NRXN1: variants seen among roughly 807,000 people sequenced by gnomAD.
The protein encoded by NRXN1 is neurexin-1.
A neutral mutation model predicts 150.9 loss-of-function variants in NRXN1; 39 were observed. The observed-to-expected ratio is 0.26, with a 90% CI of 0.20 to 0.34. The LOEUF (loss-of-function observed/expected upper bound fraction) is 0.34, where lower values mean the gene tolerates loss of function less well. NRXN1 is among the 10% of genes least tolerant of loss of function. The pLI is 1.00. For synonymous variants in NRXN1, 924 were observed against 757.0 expected (o/e 1.22, Z -3.62); for missense variants, 1,815 against 1,949.9 (o/e 0.93, Z 1.30).
intron 2 of NRXN1, among the ~76,000 whole-genome samples, chr2:50,993,197 T>C (rs755843016): frequency 6.6e-6 from 1 of 151,890 alleles, no homozygotes; most frequent in South Asian, 2.1e-4. Context: ...TGAGAGAAGG[T>C]AGTCATTCAA....
intron 18 of NRXN1, among the ~76,000 whole-genome samples, chr2:50,132,506 C>A (rs553376363): frequency 2.0e-5 from 3 of 151,932 alleles, no homozygotes; most frequent in African/African-American, 7.3e-5. Flanking sequence ...AGGGTTTCAT[C>A]GTGTTAGCCA....
intron 7 of NRXN1, chr2:50,620,902 G>C (rs1679893145): frequency 5.2e-6 from 1 of 194,170 alleles, no homozygotes; most frequent in Non-Finnish European, 8.2e-6. Context: ...ATCATGAATG[G>C]TTAGAGACTG....
At chr2:50,149,927 G>T (rs901213162) in intron 18 of NRXN1, among the ~76,000 whole-genome samples, 1 of 151,642 alleles carries the variant, frequency 6.6e-6, no homozygotes, top group South Asian at 2.1e-4. Context: ...CCTGTATGTA[G>T]CCATATGCAT....
chr2:50,183,654 G>A (rs2060882572), intron 18 of NRXN1, among the ~76,000 whole-genome samples: 1 of 149,720 alleles, frequency 6.7e-6, no homozygotes, highest in Admixed American at 6.8e-5. Flanking sequence ...AAGTGTTTCT[G>A]TTTGTCACAA....
chr2:50,250,392 A>G (rs1466758985), intron 17 of NRXN1, among the ~76,000 whole-genome samples: 3 of 152,084 alleles, frequency 2.0e-5, no homozygotes, highest in African/African-American at 7.2e-5. Flanking sequence ...TTTCAGGAGT[A>G]GGTTGTAGAT....
chr2:50,528,607 T>A lies in NRXN1; in HGVS notation c.2374+18A>T. The A allele has an allele frequency of 7.0e-7, 1 of 1,430,582 alleles. No individual in the cohort carries two copies. Among genetic ancestry groups the A allele is most frequent in the Non-Finnish European group, 9.8e-7 (1 of 1,025,304 alleles). 88.6% of individuals were successfully genotyped at this position (1,430,582 alleles called of 1,614,324 possible). ...TAATGGAGGAATAACATTTTAAAAA[T>A]TTTGAATAGGCACTTACTGGAATTA... On this transcript the variant is annotated intron_variant, in intron 12 of 22. Coordinates refer to ENST00000401669, the MANE Select transcript of NRXN1 (RefSeq NM_001330078.2).
chr2:50,118,232 T>C (rs1215364745), intron 18 of NRXN1, among the ~76,000 whole-genome samples: 1 of 152,160 alleles, frequency 6.6e-6, no homozygotes, highest in African/African-American at 2.4e-5. Flanking sequence ...TGTAAAAATA[T>C]AGAATCTGAT....
chr2:50,521,119 T>C (rs1248299483), intron 12 of NRXN1, among the ~76,000 whole-genome samples: 2 of 152,172 alleles, frequency 1.3e-5, no homozygotes, highest in Non-Finnish European at 2.9e-5. Context: ...TTTCTCCATG[T>C]ATTTGAAAAT....
At chr2:50,857,897 T>C (rs1408487048) in intron 5 of NRXN1, among the ~76,000 whole-genome samples, 1 of 152,124 alleles carries the variant, frequency 6.6e-6, no homozygotes, top group Admixed American at 6.6e-5. Context: ...TACTGGCTGG[T>C]GACAGCTTAC....
chr2:50,981,760 T>C (rs922456460), intron 2 of NRXN1, among the ~76,000 whole-genome samples: 10 of 151,904 alleles, frequency 6.6e-5, no homozygotes, highest in African/African-American at 2.4e-4. Context: ...GAGTATGGAT[T>C]TCCTCCCAGT....
intron 13 of NRXN1, among the ~76,000 whole-genome samples, chr2:50,500,919 A>G (rs1424020096): frequency 6.6e-6 from 1 of 152,160 alleles, no homozygotes; most frequent in Non-Finnish European, 1.5e-5. Flanking sequence ...TAGCCTTGGT[A>G]TTGGAGAAAT....
At chr2:51,023,097 T>C (rs1669884699) in intron 2 of NRXN1, among the ~76,000 whole-genome samples, 1 of 152,224 alleles carries the variant, frequency 6.6e-6, no homozygotes, top group Non-Finnish European at 1.5e-5. Flanking sequence ...ATTGTATTTT[T>C]CCCCTAGTTT....
At chr2:50,284,108 TGA>T (rs1176486860) in intron 17 of NRXN1, among the ~76,000 whole-genome samples, 2 of 152,200 alleles carry the variant, frequency 1.3e-5, no homozygotes, top group Non-Finnish European at 2.9e-5. Context: ...CATTCATGAT[TGA>T]GACACTGCTT....
chr2:49,928,679 T>C (rs1227066965), intron 22 of NRXN1, among the ~76,000 whole-genome samples: 1 of 152,188 alleles, frequency 6.6e-6, no homozygotes, highest in East Asian at 1.9e-4. Context: ...CAATACAGTG[T>C]AGGCCAGAAG....
At chr2:51,021,310 T>C (rs1466663318) in intron 2 of NRXN1, among the ~76,000 whole-genome samples, 1 of 151,980 alleles carries the variant, frequency 6.6e-6, no homozygotes, top group Admixed American at 6.6e-5. Context: ...TTTCAGTACA[T>C]ATTTATAGGA....
chr2:50,922,674 C>G lies in NRXN1; in HGVS notation c.804G>C (p.Leu268=), dbSNP rs1553364040. ...EDNNVEGLAH[L]MMGDQGKSKG... ...AGCCCATACCTTGGTCGCCCATCAT[C>G]AGGTGCGCCAGACCTTGAAGGGAAA... The change falls in exon 4 of 23, where the codon CTG becomes CTC. Residue 268 remains leucine (L), a synonymous_variant. Transcript: ENST00000401669. 3 of 1,610,460 alleles carry G rather than the reference C, an allele frequency of 1.9e-6. No homozygotes were observed. Among genetic ancestry groups the G allele is most frequent in the Admixed American group, 3.4e-5 (2 of 59,654 alleles).
chr2:50,858,062 G>T (rs1191155084), intron 5 of NRXN1, among the ~76,000 whole-genome samples: 3 of 151,384 alleles, frequency 2.0e-5, no homozygotes, highest in Non-Finnish European at 4.4e-5. Flanking sequence ...AGTAGCAGGG[G>T]AAAAGGCTCA....
chr2:50,791,314 C>CAAAAAAA (rs60728323), intron 5 of NRXN1, among the ~76,000 whole-genome samples: 3 of 111,624 alleles, frequency 2.7e-5, no homozygotes, highest in African/African-American at 1.1e-4. Flanking sequence ...CTGCTTGCTA[C>CAAAAAAA]AAAAAAAAAA....
At chr2:50,742,666 T>C (rs550302359) in intron 5 of NRXN1, among the ~76,000 whole-genome samples, 2 of 152,068 alleles carry the variant, frequency 1.3e-5, no homozygotes, top group Non-Finnish European at 2.9e-5. Context: ...GCAAATTATT[T>C]AATTTCCATA....
Sources: gnomAD v4.1 joint callset for allele counts (sites outside exome capture counted in the v4.1 genomes callset) on GRCh38, gnomAD v4.1.1 for gene constraint, MANE v1.5 for transcripts, NCBI Gene and HGNC (gene_info 2026-07-23, HGNC 2026-07-21) for gene names.